The following FER variants were observed in gnomAD, a reference collection of about 807,000 sequenced individuals.
FER encodes tyrosine-protein kinase Fer.
A neutral mutation model predicts 111.0 loss-of-function variants in FER; 63 were observed. That is an observed-to-expected ratio of 0.57 (90% CI 0.46 to 0.70). The LOEUF is 0.70. FER is among the 30% of genes least tolerant of loss of function. The pLI is 0.00. For synonymous variants in FER, 327 were observed against 313.9 expected (o/e 1.04, Z -0.44); for missense variants, 914 against 954.0 (o/e 0.96, Z 0.55).
rs572518037 is a variant in FER at position 108,835,182 on chromosome 5, C to G, written c.382-526C>G. Among the ~76,000 whole-genome samples the G allele has an allele frequency of 4.9e-4, 36 of 73,174 alleles. 2 individuals are homozygous for G. The East Asian group carries it at 5.9e-3, about 12-fold the overall frequency. 48.0% of individuals were successfully genotyped at this position (73,174 alleles called of 152,430 possible). A position where few individuals can be genotyped will look rare whatever the true frequency, so the allele number is the denominator to read the frequency against. On this transcript the variant is annotated intron_variant, in intron 4 of 19. Coordinates refer to ENST00000281092, the MANE Select transcript of FER (RefSeq NM_005246.4). ...TGGCAGTGTTATTTCTTCGTTTGCG[C>G]CACCCCCCCCCCCCCACTTTTTTTT... is the stretch of plus-strand genomic sequence containing the variant.
chr5:108,852,002 T>G (rs376104169), intron 5 of FER, among the ~76,000 whole-genome samples: 3 of 152,346 alleles, frequency 2.0e-5, no homozygotes, highest in African/African-American at 7.2e-5. Flanking sequence ...CTTCACCCTC[T>G]TTTATCACAC....
At chr5:108,768,369 T>A (rs112836581) in intron 2 of FER, 131 bp downstream of exon 2, 1 of 152,228 alleles carries the variant, frequency 6.6e-6, no homozygotes, top group Admixed American at 6.5e-5. Flanking sequence ...AGGCTGTTAC[T>A]GTTTTATATT....
chr5:108,952,249 G>T (rs1757854809), intron 11 of FER, among the ~76,000 whole-genome samples: 1 of 151,968 alleles, frequency 6.6e-6, no homozygotes, highest in African/African-American at 2.4e-5. Flanking sequence ...GATATTTGAG[G>T]TAGAAAGCTT....
intron 13 of FER, among the ~76,000 whole-genome samples, chr5:109,002,790 A>C (rs368072062): frequency 1.3e-5 from 2 of 152,208 alleles, no homozygotes; most frequent in South Asian, 2.1e-4. Context: ...CAACCGCATC[A>C]AAAAGGGGGC....
chr5:108,835,166 T>C lies in FER; in HGVS notation c.382-542T>C, dbSNP rs149444433. Among the ~76,000 whole-genome samples the C allele has an allele frequency of 5.3e-3, 795 of 150,928 alleles. 17 individuals are homozygous for C. Among genetic ancestry groups the C allele is most frequent in the African/African-American group, 0.019 (766 of 40,820 alleles). On this transcript the variant is annotated intron_variant, in intron 4 of 19. Transcript: ENST00000281092. ...TTTAAATTTTAGATAATGGCAGTGT[T>C]ATTTCTTCGTTTGCGCCACCCCCCC...
chr5:108,878,496 T>C (rs935740706), intron 8 of FER, among the ~76,000 whole-genome samples: 2 of 152,144 alleles, frequency 1.3e-5, no homozygotes, highest in African/African-American at 2.4e-5. Flanking sequence ...TTTTTTAACA[T>C]GTATTAAATC....
intron 17 of FER, among the ~76,000 whole-genome samples, chr5:109,166,142 T>C (rs921529832): frequency 2.0e-5 from 3 of 152,086 alleles, no homozygotes; most frequent in Admixed American, 6.6e-5. Flanking sequence ...TTCTTTTTTT[T>C]TTTCATTTTC....
intron 17 of FER, among the ~76,000 whole-genome samples, chr5:109,120,355 G>A (rs1750810119): frequency 6.6e-6 from 1 of 152,046 alleles, no homozygotes; most frequent in Non-Finnish European, 1.5e-5. Flanking sequence ...ATTTATTGAA[G>A]AGACTGTCCT....
At chr5:108,820,068 TA>T (rs1274034270) in intron 3 of FER, 1 of 984,126 alleles carries the variant, frequency 1.0e-6, no homozygotes, top group Non-Finnish European at 1.2e-6. Flanking sequence ...AGCAGGAATA[TA>T]AAAAAAAGAA....
At chr5:109,041,356 A>G (rs1409641162) in intron 14 of FER, among the ~76,000 whole-genome samples, 2 of 152,118 alleles carry the variant, frequency 1.3e-5, no homozygotes, top group Non-Finnish European at 2.9e-5. Context: ...TGGAACACAG[A>G]AGGAGGAGAA....
At chr5:109,038,109 A>G (rs1770651548) in intron 14 of FER, among the ~76,000 whole-genome samples, 1 of 151,924 alleles carries the variant, frequency 6.6e-6, no homozygotes, top group South Asian at 2.1e-4. Context: ...AGTATATGTT[A>G]TTTAACAATA....
chr5:108,777,622 C>A (rs1033438820), intron 2 of FER, among the ~76,000 whole-genome samples: 1 of 152,144 alleles, frequency 6.6e-6, no homozygotes, highest in Non-Finnish European at 1.5e-5. Context: ...AACCACTGAT[C>A]TTTTTACTGT....
At chr5:109,101,282 G>A (rs191416339) in intron 17 of FER, among the ~76,000 whole-genome samples, 2 of 152,078 alleles carry the variant, frequency 1.3e-5, no homozygotes, top group East Asian at 3.9e-4. Context: ...ACCAGAAACT[G>A]TGCATAATAC....
intron 2 of FER, among the ~76,000 whole-genome samples, chr5:108,793,519 C>G (rs866797990): frequency 2.3e-3 from 236 of 103,074 alleles, no homozygotes; most frequent in South Asian, 5.3e-3. Flanking sequence ...TTTGGCGGGG[C>G]GGGGGGGGTG....
At chr5:108,750,633 T>C (rs1482536306) in intron 1 of FER, among the ~76,000 whole-genome samples, 1 of 152,266 alleles carries the variant, frequency 6.6e-6, no homozygotes, top group Non-Finnish European at 1.5e-5. Context: ...CAAAGGTTGA[T>C]GTCTTTAGTT....
At chr5:108,992,803 G>C (rs1409196824) in intron 13 of FER, among the ~76,000 whole-genome samples, 2 of 149,434 alleles carry the variant, frequency 1.3e-5, no homozygotes, top group Non-Finnish European at 3.0e-5. Context: ...CCAGGCAGAG[G>C]GTCTCCTCAC....
intron 13 of FER, among the ~76,000 whole-genome samples, chr5:109,022,213 A>C (rs1488128867): frequency 6.6e-6 from 1 of 151,992 alleles, no homozygotes; most frequent in Non-Finnish European, 1.5e-5. Flanking sequence ...GCCCTGCCCA[A>C]GCTAATGACT....
At chr5:109,089,174 C>T (rs1260773724) in intron 16 of FER, among the ~76,000 whole-genome samples, 1 of 152,138 alleles carries the variant, frequency 6.6e-6, no homozygotes, top group Non-Finnish European at 1.5e-5. Flanking sequence ...ATGTATTTGT[C>T]TATAAATGTA....
intron 13 of FER, 40 bp from the exon 14 acceptor site, chr5:109,037,382 C>T: frequency 6.4e-7 from 1 of 1,562,208 alleles, no homozygotes; most frequent in East Asian, 2.2e-5. Context: ...GAAGTGTACC[C>T]TTGCTTGTAC....
Sources: allele counts gnomAD v4.1 joint callset (sites outside exome capture counted in the v4.1 genomes callset), GRCh38; gene constraint gnomAD v4.1.1; transcripts MANE v1.5; gene names NCBI Gene and HGNC (gene_info 2026-07-23, HGNC 2026-07-21).